Variants in PSMD12 observed in about 807,000 individuals in gnomAD.
The protein encoded by PSMD12 is proteasome 26S subunit, non-ATPase 12.
A neutral mutation model predicts 62.9 loss-of-function variants in PSMD12; 8 were observed. That is an observed-to-expected ratio of 0.13 (90% CI 0.07 to 0.23). The LOEUF (loss-of-function observed/expected upper bound fraction) is 0.23, where lower values mean the gene tolerates loss of function less well. Ranked by LOEUF, PSMD12 falls within the 10% of genes least tolerant of loss-of-function variation. PSMD12 has a pLI of 1.00. For synonymous variants in PSMD12, 173 were observed against 187.4 expected (o/e 0.92, Z 0.63); for missense variants, 424 against 550.2 (o/e 0.77, Z 2.29).
At position 67,347,199 on chromosome 17, in the gene PSMD12, C is replaced by T; in HGVS notation, c.712G>A (p.Gly238Arg). 1 of 1,613,484 alleles carries T rather than the reference C, an allele frequency of 6.2e-7. No homozygotes were observed. The highest frequency in any genetic ancestry group is 1.1e-5 in the South Asian group (1 of 91,064). Residue 238 changes from glycine (G) to arginine (R), a missense_variant, in exon 7 of 11, where the codon GGA (glycine) becomes AGA (arginine). Physicochemically the swap from Gly to Arg is moderately radical, Grantham distance 125. Transcript: ENST00000356126. ...NLMIQLDQHE[G>R]SYLSICKHYR... is the part of the protein sequence containing the mutation. ...TGCTTACAAATAGACAAATAGGATCCCTCATGTTGATCCAGCTGAATCATT... is the reference window on the plus strand; with the variant it reads ...TGCTTACAAATAGACAAATAGGATCTCTCATGTTGATCCAGCTGAATCATT...
At chr17:67,343,026 A>G (rs1567951899) in intron 9 of PSMD12, among the ~76,000 whole-genome samples, 1 of 152,046 alleles carries the variant, frequency 6.6e-6, no homozygotes, top group Admixed American at 6.6e-5. Flanking sequence ...CTTCAAATTA[A>G]ATTTCCTAAT....
rs769331852 is a variant in PSMD12, at chr17:67,350,182, G to A, written c.405+47C>T. 4.6e-6 allele frequency: 6 copies of A among 1,306,528 alleles called. No homozygotes were observed. In the South Asian group the frequency reaches 6.6e-5, roughly 14 times the overall value. The allele number at this position is 1,306,528 out of a possible 1,614,324, so 80.9% of individuals were successfully genotyped here. On this transcript the variant is annotated intron_variant, in intron 4 of 10. Transcript: ENST00000356126. ...CATACATTAAGTATCTCTGAATACA[G>A]AAAAAACAGTTCATATCATTTTGAG...
rs1025447501 is a variant in PSMD12, at chr17:67,339,049, T to C, written c.*1794A>G. 3.9e-5 allele frequency: 6 copies of C among 152,154 alleles called. No individual in the cohort carries two copies. The highest frequency in any genetic ancestry group is 1.4e-4 in the African/African-American group (6 of 41,446). 9.4% of individuals were successfully genotyped at this position (152,154 alleles called of 1,614,324 possible). On this transcript the variant is annotated 3_prime_UTR_variant, in exon 11 of 11. Coordinates refer to ENST00000356126, the MANE Select transcript of PSMD12 (RefSeq NM_002816.5). ...CAATTTTATCTTCTATCCTTTTCAT[T>C]CAAAGGAAAATTAAAACCATACTCT... is the stretch of plus-strand genomic sequence containing the variant.
chr17:67,345,073 T>A (rs971085949), intron 8 of PSMD12, among the ~76,000 whole-genome samples: 2 of 152,196 alleles, frequency 1.3e-5, no homozygotes, highest in Non-Finnish European at 2.9e-5. Flanking sequence ...GCCTGTTGTG[T>A]TTATGATGAA....
In PSMD12 at chr17:67,347,296, C is replaced by T. The variant is rs1291641321; in HGVS notation, c.660+40G>A. ...CAAATTGGGGTTTATGGGTTTTATT[C>T]ATACTTTTAAAGTAAACATGTGGTC... is the stretch of plus-strand genomic sequence containing the variant. On this transcript the variant is annotated intron_variant, in intron 6 of 10. Coordinates refer to ENST00000356126, the MANE Select transcript of PSMD12 (RefSeq NM_002816.5). The T allele has an allele frequency of 3.7e-6, 6 of 1,611,530 alleles. No individual in the cohort carries two copies. The African/African-American group carries it at 6.7e-5, about 18-fold the overall frequency.
chr17:67,366,576 A>G lies in PSMD12; in HGVS notation c.-57T>C. The G allele has an allele frequency of 1.3e-6, 2 of 1,506,932 alleles. No individual in the cohort carries two copies. The highest frequency in any genetic ancestry group is 1.8e-6 in the Non-Finnish European group (2 of 1,113,364). The allele number at this position is 1,506,932 out of a possible 1,614,324, so 93.3% of individuals were successfully genotyped here. On this transcript the variant is annotated 5_prime_UTR_variant, in exon 1 of 11. Coordinates refer to ENST00000356126, the MANE Select transcript of PSMD12 (RefSeq NM_002816.5). ...CTGCTTCGGCCACCACTCGTCACCC[A>G]CACCGGAAGTTGCCCGCGCACCCGC...
chr17:67,350,515 G>A (rs945058853), intron 3 of PSMD12, among the ~76,000 whole-genome samples, 179 bp from the exon 4 acceptor site: 2 of 152,154 alleles, frequency 1.3e-5, no homozygotes, highest in Non-Finnish European at 2.9e-5. Context: ...CGAGTACCCC[G>A]TAACAAGTCA....
chr17:67,358,592 G>GA (rs899513194), intron 1 of PSMD12, among the ~76,000 whole-genome samples: 5 of 125,096 alleles, frequency 4.0e-5, no homozygotes, highest in East Asian at 2.3e-4. Flanking sequence ...AAAAAGAAAA[G>GA]AAAAAAAAGA....
At chr17:67,353,891 C>T (rs2042042435) in intron 3 of PSMD12, among the ~76,000 whole-genome samples, 1 of 152,184 alleles carries the variant, frequency 6.6e-6, no homozygotes, top group African/African-American at 2.4e-5. Flanking sequence ...TTCCTTCTTT[C>T]ACATTTCTTT....
intron 5 of PSMD12, 21 bp from the exon 6 acceptor site, chr17:67,347,506 A>G (rs1481165368): frequency 3.1e-6 from 5 of 1,592,306 alleles, no homozygotes; most frequent in Admixed American, 1.8e-5. Context: ...AATTCCCCAA[A>G]TAAGTTTATA....
intron 1 of PSMD12, among the ~76,000 whole-genome samples, chr17:67,359,152 C>T (rs1008041652): frequency 1.3e-5 from 2 of 151,954 alleles, no homozygotes; most frequent in African/African-American, 4.8e-5. Flanking sequence ...CCCAGGAATT[C>T]GAGACCAGCA....
At chr17:67,348,695 C>T (rs765633265) in intron 4 of PSMD12, 41 bp from the exon 5 acceptor site, 31 of 1,564,702 alleles carry the variant, frequency 2.0e-5, no homozygotes, top group South Asian at 1.6e-4. Flanking sequence ...TCCATGGAAA[C>T]GTGTTAAAAT....
chr17:67,360,820 C>T (rs143945388), intron 1 of PSMD12, among the ~76,000 whole-genome samples: 32 of 152,328 alleles, frequency 2.1e-4, no homozygotes, highest in African/African-American at 6.3e-4. Flanking sequence ...CAATGGCTTA[C>T]GATTCCTGAT....
At chr17:67,362,403 G>A (rs1272087369) in intron 1 of PSMD12, among the ~76,000 whole-genome samples, 2 of 152,096 alleles carry the variant, frequency 1.3e-5, no homozygotes, top group Non-Finnish European at 2.9e-5. Context: ...GGCTGGGCGC[G>A]GTGGCTCACG....
chr17:67,347,581 A>G (rs1001119838), intron 5 of PSMD12, 96 bp from the exon 6 acceptor site: 18 of 1,260,102 alleles, frequency 1.4e-5, no homozygotes, highest in Non-Finnish European at 1.9e-5. Flanking sequence ...TCCTTGTTAA[A>G]TAATAAGAAC....
chr17:67,357,545 G>A lies in PSMD12; in HGVS notation c.142C>T (p.Leu48Phe). ...GTACGAGTCTGCTTTTCCAGAGAGA[G>A]AAGGGTTTCAATGACTTCTTGAAGT... The part of the protein sequence containing the change: ...GRLQEVIETL[L>F]SLEKQTRTAS... Residue 48 changes from leucine (L) to phenylalanine (F), a missense_variant, in exon 2 of 11, where the codon CTC becomes TTC. Coordinates refer to ENST00000356126, the MANE Select transcript of PSMD12 (RefSeq NM_002816.5). The A allele has an allele frequency of 6.2e-7, 1 of 1,613,838 alleles. No homozygotes were observed. The highest frequency in any genetic ancestry group is 8.5e-7 in the Non-Finnish European group (1 of 1,179,786).
intron 1 of PSMD12, among the ~76,000 whole-genome samples, chr17:67,364,394 A>G (rs1279841897): frequency 6.6e-6 from 1 of 152,224 alleles, no homozygotes; most frequent in East Asian, 1.9e-4. Context: ...TTAGGAATAA[A>G]TGCTACATAA....
At chr17:67,345,602 A>G (rs946250832) in intron 8 of PSMD12, 143 bp downstream of exon 8, 3 of 669,640 alleles carry the variant, frequency 4.5e-6, no homozygotes, top group Middle Eastern at 4.2e-4. Context: ...AGATTACACC[A>G]TTACACTCCA....
intron 1 of PSMD12, among the ~76,000 whole-genome samples, chr17:67,366,006 A>T (rs1264707536): frequency 6.6e-6 from 1 of 152,192 alleles, no homozygotes; most frequent in Non-Finnish European, 1.5e-5. Flanking sequence ...GCACATAGCC[A>T]TGATCCACAA....
Sources: gnomAD v4.1 joint callset for allele counts (sites outside exome capture counted in the v4.1 genomes callset) on GRCh38, gnomAD v4.1.1 for gene constraint, MANE v1.5 for transcripts, NCBI Gene and HGNC (gene_info 2026-07-23, HGNC 2026-07-21) for gene names.